NUP62CL: variants seen among roughly 807,000 people sequenced by gnomAD.
NUP62CL encodes the protein nucleoporin 62 C-terminal like.
Under a neutral mutation model 15.3 loss-of-function variants are expected in NUP62CL, and 13 were observed. The ratio of observed to expected loss-of-function variants is 0.85; its 90% CI spans 0.55 to 1.35. The LOEUF is 1.35. NUP62CL is among the 40% of genes most tolerant of loss of function. The pLI is 0.00. For synonymous variants in NUP62CL, 54 were observed against 49.2 expected (o/e 1.10, Z -0.41); for missense variants, 123 against 130.6 (o/e 0.94, Z 0.28).
intron 8 of NUP62CL, among the ~76,000 whole-genome samples, chrX:107,145,571 A>G (rs1283482284): frequency 9.0e-6 from 1 of 111,520 alleles, no homozygotes; most frequent in Admixed American, 9.6e-5. Flanking sequence ...AACCACAGAC[A>G]TGAGAATTCT....
rs1925312899 is a variant in NUP62CL at position 107,123,595 on chromosome X, AAG to A, written c.*778_*779del. On this transcript the variant is annotated 3_prime_UTR_variant, in exon 9 of 9. Coordinates refer to ENST00000372466, the MANE Select transcript of NUP62CL (RefSeq NM_017681.3). ...AAAACAAAACAAACAAACAAAAAAAAAGAAAAACAAACAAATATACGGAAATC... is the reference window on the plus strand; with the variant it reads ...AAAACAAAACAAACAAACAAAAAAAAAAAAACAAACAAATATACGGAAATC... 1.8e-5 allele frequency: 2 copies of A among 111,578 alleles called. No homozygotes were observed. Among genetic ancestry groups the A allele is most frequent in the African/African-American group, 6.5e-5 (2 of 30,710 alleles). 9.2% of individuals were successfully genotyped at this position (111,578 alleles called of 1,213,427 possible).
chrX:107,153,652 G>C (rs754982265), intron 5 of NUP62CL, 149 bp from the exon 6 acceptor site: 26 of 415,514 alleles, frequency 6.3e-5, no homozygotes, highest in African/African-American at 1.0e-4. Flanking sequence ...ACTTTGAGCT[G>C]CTCACCAATA....
intron 8 of NUP62CL, among the ~76,000 whole-genome samples, chrX:107,146,143 A>T (rs1362259788): frequency 8.9e-6 from 1 of 111,884 alleles, no homozygotes; most frequent in Non-Finnish European, 1.9e-5. Flanking sequence ...CACTTCATTA[A>T]AGTGGTACAA....
rs756335071 is a variant in NUP62CL at position 107,182,239 on chromosome X, G to GT, written c.-47-7047_-47-7046insA. Among the ~76,000 whole-genome samples the GT allele has an allele frequency of 9.2e-3, 1,033 of 111,936 alleles. 10 individuals are homozygous for GT. The highest frequency in any genetic ancestry group is 0.032 in the African/African-American group (987 of 30,712). On this transcript the variant is annotated intron_variant, in intron 2 of 8. Transcript: ENST00000372466. ...ACATTACCAAATAATTCTTTGCTGT[G>GT]GGGGACTGAACTATGCACTGTAGGA...
chrX:107,151,469 T>G (rs771738912), intron 7 of NUP62CL, among the ~76,000 whole-genome samples: 1 of 109,760 alleles, frequency 9.1e-6, no homozygotes, highest in Non-Finnish European at 1.9e-5. Context: ...ACAAACCTGC[T>G]AAGTTCACAA....
chrX:107,136,335 T>C (rs1020273817), intron 8 of NUP62CL, among the ~76,000 whole-genome samples: 1 of 111,830 alleles, frequency 8.9e-6, no homozygotes, highest in Non-Finnish European at 1.9e-5. Context: ...AATGCACCAA[T>C]TCCTAAAAGA....
chrX:107,173,873 TGGGGAG>T (rs1926705464), intron 3 of NUP62CL, among the ~76,000 whole-genome samples: 1 of 110,438 alleles, frequency 9.1e-6, no homozygotes, highest in African/African-American at 3.3e-5. Flanking sequence ...GTCATAGAGC[TGGGGAG>T]GGGGGCTATT....
At chrX:107,163,434 T>TA (rs909718641) in intron 4 of NUP62CL, among the ~76,000 whole-genome samples, 2 of 108,664 alleles carry the variant, frequency 1.8e-5, no homozygotes, top group African/African-American at 6.7e-5. Context: ...GACAGCAGGG[T>TA]AAAAAAAAGA....
rs895120206 is a variant in NUP62CL at position 107,192,473 on chromosome X, G to A, written c.-48+556C>T. Among the ~76,000 whole-genome samples, 5 of 111,541 alleles carry A rather than the reference G, an allele frequency of 4.5e-5. No individual in the cohort carries two copies. In the East Asian group the frequency reaches 8.5e-4, roughly 19 times the overall value. ...TGGCTCACTGCAGCCTCGACCTCCC[G>A]GGCTCAGGCAATCCTCCCACCTCAA... On this transcript the variant is annotated intron_variant, in intron 2 of 8. Transcript: ENST00000372466.
intron 1 of NUP62CL, among the ~76,000 whole-genome samples, chrX:107,198,756 C>G (rs982826658): frequency 8.9e-5 from 10 of 111,822 alleles, no homozygotes; most frequent in African/African-American, 2.6e-4. Flanking sequence ...AGACCACGAA[C>G]CCACCAGAAG....
In NUP62CL at chrX:107,152,049, GATAT is replaced by G. The variant is rs778670339; in HGVS notation, c.530+1119_530+1122del. On this transcript the variant is annotated intron_variant, in intron 7 of 8. Coordinates refer to ENST00000372466, the MANE Select transcript of NUP62CL (RefSeq NM_017681.3). Reference sequence around the variant, plus strand: ...CATCTTGAATATATATATATATTCAGATATATATATATATATATATATATATTCA... The same window carrying G: ...CATCTTGAATATATATATATATTCAGATATATATATATATATATATATTCA... Among the ~76,000 whole-genome samples the G allele has an allele frequency of 2.9e-3, 121 of 41,125 alleles. 9 individuals carry two copies. The highest frequency in any genetic ancestry group is 0.016 in the African/African-American group (108 of 6,576). 35.7% of individuals were successfully genotyped at this position (41,125 alleles called of 115,157 possible). A position where few individuals can be genotyped will look rare whatever the true frequency, so the allele number is the denominator to read the frequency against.
At chrX:107,165,372 G>A (rs1313416817) in intron 4 of NUP62CL, among the ~76,000 whole-genome samples, 6 of 109,603 alleles carry the variant, frequency 5.5e-5, no homozygotes, top group South Asian at 3.9e-4. Flanking sequence ...GATACAGGCC[G>A]AGAAGTTTTC....
At chrX:107,157,801 A>G (rs1302313762) in intron 4 of NUP62CL, among the ~76,000 whole-genome samples, 1 of 111,551 alleles carries the variant, frequency 9.0e-6, no homozygotes, top group Non-Finnish European at 1.9e-5. Context: ...ATGTAAATGG[A>G]CTAAATTCTC....
intron 2 of NUP62CL, among the ~76,000 whole-genome samples, chrX:107,189,878 AAAGAAAG>A (rs1180862341): frequency 2.0e-3 from 40 of 20,169 alleles, no homozygotes; most frequent in Non-Finnish European, 3.2e-3. Flanking sequence ...AAAAGAAAGA[AAAGAAAG>A]AAAGAAAGAA....
chrX:107,174,990 T>C (rs1189620718), intron 3 of NUP62CL, 99 bp downstream of exon 3: 6 of 645,095 alleles, frequency 9.3e-6, no homozygotes, highest in African/African-American at 4.5e-5. Flanking sequence ...TCAAGAATAA[T>C]GATAATTTCT....
At chrX:107,153,036 G>A in intron 7 of NUP62CL, 136 bp downstream of exon 7, 1 of 494,325 alleles carries the variant, frequency 2.0e-6, no homozygotes, top group Non-Finnish European at 3.2e-6. Context: ...ATTGATAAAT[G>A]TCAACTACAA....
intron 7 of NUP62CL, among the ~76,000 whole-genome samples, chrX:107,150,277 G>A (rs760865142): frequency 1.7e-4 from 19 of 111,575 alleles, no homozygotes; most frequent in Non-Finnish European, 3.4e-4. Flanking sequence ...ATAAATACAG[G>A]TACATACTTA....
chrX:107,202,953 G>A (rs1250509564), intron 1 of NUP62CL, among the ~76,000 whole-genome samples: 3 of 101,397 alleles, frequency 3.0e-5, no homozygotes, highest in Non-Finnish European at 6.0e-5. Flanking sequence ...ACTCCAGCTG[G>A]GCCGACAGAG....
At chrX:107,167,048 A>T (rs986783083) in intron 4 of NUP62CL, among the ~76,000 whole-genome samples, 5 of 111,891 alleles carry the variant, frequency 4.5e-5, no homozygotes, top group African/African-American at 1.6e-4. Context: ...TTGAGATGTT[A>T]TCATTGGAGG....
Sources: allele counts gnomAD v4.1 joint callset (sites outside exome capture counted in the v4.1 genomes callset), GRCh38; gene constraint gnomAD v4.1.1; transcripts MANE v1.5; gene names NCBI Gene and HGNC (gene_info 2026-07-23, HGNC 2026-07-21).